Variants in THADA observed in about 807,000 individuals in gnomAD.
THADA encodes tRNA (32-2'-O)-methyltransferase regulator THADA.
In THADA, 213 loss-of-function variants were observed where a neutral mutation model predicts 219.8. The ratio of observed to expected loss-of-function variants is 0.97; its 90% confidence interval spans 0.87 to 1.09. THADA has a LOEUF of 1.09. Among genes scored for constraint, THADA ranks in the 50% least tolerant of loss-of-function variants. THADA has a pLI of 0.00. For synonymous variants in THADA, 1,018 were observed against 828.9 expected, an observed-to-expected ratio of 1.23 and a Z score of -3.92; for missense variants, 2,956 against 2,311.3, an observed-to-expected ratio of 1.28 and a Z score of -5.72.
At chr2:43,279,923 T>C in intron 35 of THADA, 27 bp from the exon 36 acceptor site, 2 of 1,487,978 alleles carry the variant, frequency 1.3e-6, no homozygotes, top group Non-Finnish European at 1.8e-6. Flanking sequence ...GAATCTGAAT[T>C]ACCTAGAATG....
At chr2:43,427,513 G>GTGTGTGTGTGTC (rs1243579266) in intron 28 of THADA, among the ~76,000 whole-genome samples, 2 of 150,744 alleles carry the variant, frequency 1.3e-5, no homozygotes, top group African/African-American at 2.4e-5. Context: ...TTGTGTGTGT[G>GTGTGTGTGTGTC]TGTGTGTGTG....
chr2:43,409,015 A>C (rs1675947460), intron 28 of THADA, among the ~76,000 whole-genome samples: 1 of 152,064 alleles, frequency 6.6e-6, no homozygotes, highest in South Asian at 2.1e-4. Context: ...AGCACCCTTT[A>C]CTCTTCTGAG....
At chr2:43,430,906 C>A (rs1238395671) in intron 26 of THADA, among the ~76,000 whole-genome samples, 1 of 152,220 alleles carries the variant, frequency 6.6e-6, no homozygotes, top group African/African-American at 2.4e-5. Context: ...TTGAGAACCA[C>A]TGGTTTGGAG....
intron 26 of THADA, among the ~76,000 whole-genome samples, chr2:43,474,039 T>A (rs1685226539): frequency 6.6e-6 from 1 of 152,200 alleles, no homozygotes; most frequent in Admixed American, 6.5e-5. Context: ...CACTATAATC[T>A]TATGGAACCA....
chr2:43,431,478 T>C (rs867441384), intron 26 of THADA, among the ~76,000 whole-genome samples: 1 of 152,072 alleles, frequency 6.6e-6, no homozygotes, highest in South Asian at 2.1e-4. Context: ...GTTTGTTTGT[T>C]TTTTTGAGAC....
At chr2:43,593,242 CAGAA>C (rs953899148) in intron 1 of THADA, among the ~76,000 whole-genome samples, 2 of 151,974 alleles carry the variant, frequency 1.3e-5, no homozygotes, top group Non-Finnish European at 2.9e-5. Context: ...CAAGATGAAA[CAGAA>C]ATAAATACAA....
rs1031829843 is a variant in THADA at position 43,463,624 on chromosome 2, C to T, written c.3836+21610G>A. On this transcript the variant is annotated intron_variant, in intron 26 of 37. Transcript: ENST00000405975. Reference sequence around the variant, plus strand: ...AAGTCAGTGAACTTAAGCTATTTTGCTTACTGTTCTGGAATTTAAGTATGT... The same window carrying T: ...AAGTCAGTGAACTTAAGCTATTTTGTTTACTGTTCTGGAATTTAAGTATGT... Among the ~76,000 whole-genome samples the T allele has an allele frequency of 2.6e-5, 4 of 152,084 alleles. No individual in the cohort carries two copies. The East Asian group carries it at 5.8e-4, about 22-fold the overall frequency.
At chr2:43,269,248 G>A (rs1339624737) in intron 36 of THADA, among the ~76,000 whole-genome samples, 1 of 152,212 alleles carries the variant, frequency 6.6e-6, no homozygotes, top group Non-Finnish European at 1.5e-5. Context: ...TCACCCACAG[G>A]GGTCAGTCGC....
intron 36 of THADA, among the ~76,000 whole-genome samples, chr2:43,255,992 T>G (rs898612166): frequency 1.3e-5 from 2 of 152,178 alleles, no homozygotes; most frequent in African/African-American, 4.8e-5. Context: ...GGTGAACTAT[T>G]GAAAGAGCCA....
chr2:43,467,216 G>T (rs1030460165), intron 26 of THADA, among the ~76,000 whole-genome samples: 1 of 150,920 alleles, frequency 6.6e-6, no homozygotes, highest in Non-Finnish European at 1.5e-5. Context: ...ACACCACGGG[G>T]ATGCTGCTTG....
At chr2:43,455,520 A>T (rs12990177) in intron 26 of THADA, among the ~76,000 whole-genome samples, 16,449 of 59,050 alleles carry the variant, frequency 0.28, 970 homozygotes, top group African/African-American at 0.45. Flanking sequence ...TCTCTCTCTC[A>T]CACACACACA....
At chr2:43,593,140 G>A (rs1478870457) in intron 1 of THADA, among the ~76,000 whole-genome samples, 1 of 152,120 alleles carries the variant, frequency 6.6e-6, no homozygotes, top group Admixed American at 6.6e-5. Flanking sequence ...TGTAGTACAT[G>A]TATAAAATAA....
rs1220336138 is a variant in THADA, at chr2:43,574,820, G to A, written c.1245C>T (p.Phe415=). ...GCCGGTGCATTTGGAGAAGGTTTTT[G>A]AACATGATTTTGGTTTGGTGTCTCA... is the stretch of plus-strand genomic sequence containing the variant. ...DALRHQTKIM[F]KNLLQMHRLT... is the part of the protein sequence containing the mutation. The change falls in exon 11 of 38, where the codon TTC becomes TTT. Residue 415 remains phenylalanine (F), a synonymous_variant. Transcript: ENST00000405975. 2 of 1,613,982 alleles carry A rather than the reference G, an allele frequency of 1.2e-6. No homozygotes were observed. Among genetic ancestry groups the A allele is most frequent in the Non-Finnish European group, 1.7e-6 (2 of 1,179,890 alleles).
chr2:43,528,137 T>TG (rs1225747056), intron 21 of THADA, 149 bp from the exon 22 acceptor site: 1 of 517,200 alleles, frequency 1.9e-6, no homozygotes, highest in Non-Finnish European at 3.3e-6. Context: ...TTTTTTTTTT[T>TG]TTTTTTTTTT....
intron 31 of THADA, among the ~76,000 whole-genome samples, chr2:43,308,937 TA>T (rs1342361199): frequency 1.3e-5 from 2 of 151,972 alleles, no homozygotes; most frequent in East Asian, 3.9e-4. Flanking sequence ...CACTAGGGCA[TA>T]AAAAGTCTAA....
intron 19 of THADA, among the ~76,000 whole-genome samples, chr2:43,549,831 GATT>G (rs1696541349): frequency 6.6e-6 from 1 of 151,856 alleles, no homozygotes; most frequent in African/African-American, 2.4e-5. Context: ...ATAGAAAATA[GATT>G]ATTTCCCCAT....
chr2:43,479,176 C>T (rs1030831410), intron 26 of THADA, among the ~76,000 whole-genome samples: 1 of 152,202 alleles, frequency 6.6e-6, no homozygotes, highest in African/African-American at 2.4e-5. Flanking sequence ...AAATTAACTT[C>T]ATACTTTAAA....
At chr2:43,296,925 A>G (rs1675470412) in intron 31 of THADA, among the ~76,000 whole-genome samples, 1 of 149,010 alleles carries the variant, frequency 6.7e-6, no homozygotes, top group Admixed American at 6.7e-5. Flanking sequence ...TTGGCCTCCC[A>G]AAGTGCCGAG....
intron 15 of THADA, among the ~76,000 whole-genome samples, chr2:43,561,110 A>G (rs1224490867): frequency 6.6e-6 from 1 of 152,020 alleles, no homozygotes; most frequent in African/African-American, 2.4e-5. Flanking sequence ...TGATAGACTT[A>G]CTGGGAGTCA....
Sources: allele counts gnomAD v4.1 joint callset (sites outside exome capture counted in the v4.1 genomes callset), GRCh38; gene constraint gnomAD v4.1.1; transcripts MANE v1.5; gene names NCBI Gene and HGNC (gene_info 2026-07-23, HGNC 2026-07-21).